WWOX: variants seen among roughly 807,000 people sequenced by gnomAD.
The protein encoded by WWOX is WW domain containing oxidoreductase.
A neutral mutation model predicts 46.2 loss-of-function variants in WWOX; 69 were observed. The ratio of observed to expected loss-of-function variants is 1.49; its 90% CI spans 1.23 to 1.82. The LOEUF (loss-of-function observed/expected upper bound fraction) is 1.82. Ranked by LOEUF, WWOX falls within the 40% of genes most tolerant of loss-of-function variation. The pLI is 0.00. For missense variants in WWOX, 919 were observed against 542.6 expected (o/e 1.69, Z -6.89); for synonymous variants, 359 against 202.6 (o/e 1.77, Z -6.56).
chr16:78,974,166 C>G (rs1440754172), intron 8 of WWOX, among the ~76,000 whole-genome samples: 1 of 152,196 alleles, frequency 6.6e-6, no homozygotes, highest in Admixed American at 6.5e-5. Flanking sequence ...CAGGAAAATT[C>G]AATCTCGTTA....
intron 8 of WWOX, among the ~76,000 whole-genome samples, chr16:79,167,131 G>A (rs796122403): frequency 9.5e-4 from 145 of 152,108 alleles, no homozygotes; most frequent in African/African-American, 2.4e-3. Flanking sequence ...TATTAGAGAC[G>A]GGGTTTTGCC....
At chr16:78,800,134 CAG>C (rs997686557) in intron 8 of WWOX, among the ~76,000 whole-genome samples, 2 of 151,840 alleles carry the variant, frequency 1.3e-5, no homozygotes, top group Non-Finnish European at 2.9e-5. Flanking sequence ...GCACTAAAAA[CAG>C]GGTTAGAATA....
chr16:78,262,514 G>T (rs577202243), intron 5 of WWOX, among the ~76,000 whole-genome samples: 22 of 152,144 alleles, frequency 1.4e-4, no homozygotes, highest in Non-Finnish European at 2.8e-4. Context: ...TGATAATGGG[G>T]GCAGATGCAG....
intron 8 of WWOX, among the ~76,000 whole-genome samples, chr16:78,531,985 A>T (rs1199310638): frequency 6.6e-6 from 1 of 152,052 alleles, no homozygotes; most frequent in Admixed American, 6.6e-5. Context: ...AGTAATAAAC[A>T]AATAAGTTTT....
At chr16:78,558,845 T>C (rs2044366218) in intron 8 of WWOX, among the ~76,000 whole-genome samples, 1 of 152,234 alleles carries the variant, frequency 6.6e-6, no homozygotes, top group Non-Finnish European at 1.5e-5. Context: ...GCCTGAATCC[T>C]AGACCCCTTC....
At chr16:78,637,461 T>A (rs1161405688) in intron 8 of WWOX, among the ~76,000 whole-genome samples, 1 of 151,886 alleles carries the variant, frequency 6.6e-6, no homozygotes, top group Non-Finnish European at 1.5e-5. Context: ...AAAAAATTGT[T>A]TCTGGCCCCA....
At chr16:78,735,802 G>T (rs2049078000) in intron 8 of WWOX, among the ~76,000 whole-genome samples, 1 of 152,164 alleles carries the variant, frequency 6.6e-6, no homozygotes, top group Non-Finnish European at 1.5e-5. Context: ...TTAGGTGGAG[G>T]ATCTGGTCAA....
chr16:79,080,436 C>A (rs1267559156), intron 8 of WWOX, among the ~76,000 whole-genome samples: 1 of 152,146 alleles, frequency 6.6e-6, no homozygotes, highest in Non-Finnish European at 1.5e-5. Flanking sequence ...AATCCCAAAT[C>A]CAAATTCCTG....
At chr16:79,080,511 A>C (rs2048741085) in intron 8 of WWOX, among the ~76,000 whole-genome samples, 1 of 152,238 alleles carries the variant, frequency 6.6e-6, no homozygotes, top group Non-Finnish European at 1.5e-5. Context: ...TGCACGTTGC[A>C]GAAGATCAGG....
chr16:78,227,029 C>G (rs1052141697), intron 5 of WWOX, among the ~76,000 whole-genome samples: 2 of 152,182 alleles, frequency 1.3e-5, no homozygotes, highest in East Asian at 3.9e-4. Context: ...TCTTTTACTT[C>G]TTTAGTTCAC....
intron 4 of WWOX, among the ~76,000 whole-genome samples, chr16:78,154,051 C>G (rs1897486279): frequency 6.6e-6 from 1 of 152,154 alleles, no homozygotes; most frequent in Non-Finnish European, 1.5e-5. Flanking sequence ...CTCCGATGCT[C>G]TCCACCACCA....
intron 8 of WWOX, among the ~76,000 whole-genome samples, chr16:79,124,004 ACT>A (rs1465371934): frequency 6.6e-6 from 1 of 151,802 alleles, no homozygotes; most frequent in African/African-American, 2.4e-5. Flanking sequence ...AGCTAAATAA[ACT>A]CTGCCTTCTC....
At chr16:78,106,191 G>T (rs959944761) in intron 1 of WWOX, among the ~76,000 whole-genome samples, 1 of 152,178 alleles carries the variant, frequency 6.6e-6, no homozygotes, top group Non-Finnish European at 1.5e-5. Context: ...GCTTTTAATG[G>T]CAGGCAAGGA....
At chr16:79,093,566 A>G (rs934596462) in intron 8 of WWOX, among the ~76,000 whole-genome samples, 1 of 152,164 alleles carries the variant, frequency 6.6e-6, no homozygotes, top group African/African-American at 2.4e-5. Context: ...CGCAGCAGGC[A>G]GTGGGCCCAC....
In WWOX at chr16:79,162,019, C is replaced by G. The variant is rs1370538353; in HGVS notation, c.1057-49589C>G. 3.3e-5 allele frequency among the ~76,000 whole-genome samples: 5 copies of G among 152,208 alleles called. No homozygotes were observed. In the East Asian group the frequency reaches 9.6e-4, roughly 29 times the overall value. On this transcript the variant is annotated intron_variant, in intron 8 of 8. Transcript: ENST00000566780. ...CCAGGACCAGAACCAGGACACCTGT[C>G]TCCCAGATCTGTCCTTTTCTTGGAT...
chr16:79,030,673 T>G (rs1008621669), intron 8 of WWOX, among the ~76,000 whole-genome samples: 2 of 152,222 alleles, frequency 1.3e-5, no homozygotes, highest in Non-Finnish European at 2.9e-5. Context: ...CACTTGGGTC[T>G]TGAAATCTTG....
intron 8 of WWOX, among the ~76,000 whole-genome samples, chr16:78,854,975 C>T (rs78882345): frequency 6.7e-6 from 1 of 149,296 alleles, no homozygotes; most frequent in African/African-American, 2.5e-5. Flanking sequence ...GAAGTAATGG[C>T]TTCTCAAATT....
At chr16:79,163,124 C>T (rs531156692) in intron 8 of WWOX, among the ~76,000 whole-genome samples, 1 of 152,162 alleles carries the variant, frequency 6.6e-6, no homozygotes, top group South Asian at 2.1e-4. Context: ...CAGGAGATGG[C>T]TCATTGTGTG....
At chr16:78,211,811 A>G (rs554394244) in intron 5 of WWOX, among the ~76,000 whole-genome samples, 10 of 152,312 alleles carry the variant, frequency 6.6e-5, no homozygotes, top group African/African-American at 2.4e-4. Context: ...AAGAACATGC[A>G]TGAAGGGAGG....
Sources: gnomAD v4.1 joint callset for allele counts (sites outside exome capture counted in the v4.1 genomes callset) on GRCh38, gnomAD v4.1.1 for gene constraint, MANE v1.5 for transcripts, NCBI Gene and HGNC (gene_info 2026-07-23, HGNC 2026-07-21) for gene names.